NELL1: variants seen among roughly 807,000 people sequenced by gnomAD.
The protein encoded by NELL1 is neural EGFL like 1.
In NELL1, 76 loss-of-function variants were observed where a neutral mutation model predicts 107.4. The observed-to-expected ratio is 0.71, with a 90% CI of 0.59 to 0.86. NELL1 has a LOEUF of 0.86. Ranked by LOEUF, NELL1 falls within the 40% of genes least tolerant of loss-of-function variation. The pLI is 0.00. For missense variants in NELL1, 1,024 were observed against 1,005.5 expected, an observed-to-expected ratio of 1.02 and a Z score of -0.25; for synonymous variants, 353 against 341.2, an observed-to-expected ratio of 1.03 and a Z score of -0.38.
chr11:21,235,085 T>C (rs971764180), intron 14 of NELL1, among the ~76,000 whole-genome samples: 1 of 152,148 alleles, frequency 6.6e-6, no homozygotes, highest in African/African-American at 2.4e-5. Context: ...ACTCTAGACA[T>C]AGTTTTGAAA....
At chr11:21,147,510 T>C (rs1856007694) in intron 13 of NELL1, among the ~76,000 whole-genome samples, 1 of 152,096 alleles carries the variant, frequency 6.6e-6, no homozygotes, top group African/African-American at 2.4e-5. Context: ...CTGTCATAAG[T>C]GGCTCTGCAT....
intron 14 of NELL1, among the ~76,000 whole-genome samples, chr11:21,298,239 A>G (rs543835253): frequency 2.0e-5 from 3 of 151,998 alleles, no homozygotes; most frequent in African/African-American, 7.2e-5. Flanking sequence ...AGGATTTATT[A>G]TTTTCCTTAA....
At chr11:20,737,711 A>G (rs533817713) in intron 2 of NELL1, among the ~76,000 whole-genome samples, 18 of 152,182 alleles carry the variant, frequency 1.2e-4, no homozygotes, top group African/African-American at 4.3e-4. Flanking sequence ...TATTAGTTGT[A>G]TTATTCCATA....
At chr11:21,534,553 C>T (rs1014831232) in intron 16 of NELL1, 39 bp downstream of exon 16, 2 of 1,609,214 alleles carry the variant, frequency 1.2e-6, no homozygotes, top group Non-Finnish European at 8.5e-7. Flanking sequence ...CTGCTTGGAC[C>T]TTTGCAGGAG....
chr11:21,529,363 G>A (rs1216071005), intron 15 of NELL1, among the ~76,000 whole-genome samples: 3 of 152,092 alleles, frequency 2.0e-5, no homozygotes, highest in Non-Finnish European at 4.4e-5. Flanking sequence ...CATGCTCCAG[G>A]CACATCCCTA....
chr11:21,439,635 A>C (rs141472875), intron 15 of NELL1, among the ~76,000 whole-genome samples: 2 of 152,268 alleles, frequency 1.3e-5, no homozygotes, highest in African/African-American at 4.8e-5. Context: ...ATCATTTCTT[A>C]CTAATACAGT....
At chr11:21,367,903 A>C (rs1309974441) in intron 14 of NELL1, among the ~76,000 whole-genome samples, 1 of 152,088 alleles carries the variant, frequency 6.6e-6, no homozygotes, top group Non-Finnish European at 1.5e-5. Context: ...TCTGCCATCA[A>C]CTAAATAATG....
chr11:21,561,031 G>A (rs1394897720), intron 17 of NELL1, among the ~76,000 whole-genome samples: 2 of 152,012 alleles, frequency 1.3e-5, no homozygotes, highest in Non-Finnish European at 2.9e-5. Flanking sequence ...CTATTAAACT[G>A]TTTGATCTCT....
At chr11:21,498,747 G>T (rs1855055091) in intron 15 of NELL1, among the ~76,000 whole-genome samples, 1 of 151,958 alleles carries the variant, frequency 6.6e-6, no homozygotes, top group African/African-American at 2.4e-5. Flanking sequence ...TCTGTGAAGA[G>T]ATTTACCCAT....
chr11:21,130,739 A>C (rs1035170759), intron 13 of NELL1, among the ~76,000 whole-genome samples: 5 of 152,210 alleles, frequency 3.3e-5, no homozygotes, highest in Non-Finnish European at 7.3e-5. Context: ...CCAAACACCC[A>C]CAGGCTCTTG....
At chr11:21,367,097 C>G (rs964319379) in intron 14 of NELL1, among the ~76,000 whole-genome samples, 1 of 151,862 alleles carries the variant, frequency 6.6e-6, no homozygotes, top group Non-Finnish European at 1.5e-5. Context: ...TGGATTGAAC[C>G]TCTCTCAAAT....
intron 14 of NELL1, among the ~76,000 whole-genome samples, chr11:21,266,021 T>G (rs1848626465): frequency 6.6e-6 from 1 of 151,966 alleles, no homozygotes; most frequent in African/African-American, 2.4e-5. Flanking sequence ...GTGTCAAAAA[T>G]CCTCTCCCTT....
At chr11:20,869,456 T>C (rs1458954822) in intron 4 of NELL1, among the ~76,000 whole-genome samples, 4 of 152,196 alleles carry the variant, frequency 2.6e-5, no homozygotes, top group Non-Finnish European at 1.5e-5. Context: ...ACAATTAATC[T>C]ATGTAAGAGG....
At chr11:20,825,130 T>A (rs1857851097) in intron 3 of NELL1, among the ~76,000 whole-genome samples, 1 of 151,350 alleles carries the variant, frequency 6.6e-6, no homozygotes, top group South Asian at 2.1e-4. Context: ...AATTGATGTT[T>A]GGGAACCTCT....
At chr11:21,464,396 C>A in intron 15 of NELL1, among the ~76,000 whole-genome samples, 1 of 88,214 alleles carries the variant, frequency 1.1e-5, no homozygotes. Context: ...ATGAATATGT[C>A]CGTGGCAAAA....
At chr11:20,970,114 A>G (rs1851469378) in intron 12 of NELL1, among the ~76,000 whole-genome samples, 1 of 119,250 alleles carries the variant, frequency 8.4e-6, no homozygotes, top group African/African-American at 3.4e-5. Flanking sequence ...GAACATAGAG[A>G]TATATCTACC....
chr11:21,279,338 G>C (rs1355384584), intron 14 of NELL1, among the ~76,000 whole-genome samples: 1 of 152,180 alleles, frequency 6.6e-6, no homozygotes, highest in Non-Finnish European at 1.5e-5. Context: ...GCAAGTCATT[G>C]AGTGGGAGAA....
intron 15 of NELL1, among the ~76,000 whole-genome samples, chr11:21,384,646 T>A (rs2133773573): frequency 6.6e-6 from 1 of 152,004 alleles, no homozygotes; most frequent in Middle Eastern, 3.4e-3. Context: ...CCTTCCTGTG[T>A]CCTTGTGTTT....
rs148466900 is a variant in NELL1 at position 21,472,907 on chromosome 11, G to A, written c.1646-61467G>A. Reference sequence around the variant, plus strand: ...CCATCTATGTGATTATCAGTTATTGGATGCCTACCATAGGTAAAACATTAT... The same window carrying A: ...CCATCTATGTGATTATCAGTTATTGAATGCCTACCATAGGTAAAACATTAT... On this transcript the variant is annotated intron_variant, in intron 15 of 19. Coordinates refer to ENST00000357134, the MANE Select transcript of NELL1 (RefSeq NM_006157.5). 3.2e-3 allele frequency among the ~76,000 whole-genome samples: 490 copies of A among 151,232 alleles called. 3 individuals are homozygous for A. Among genetic ancestry groups the A allele is most frequent in the African/African-American group, 0.011 (465 of 41,178 alleles).
Sources: allele counts gnomAD v4.1 joint callset (sites outside exome capture counted in the v4.1 genomes callset), GRCh38; gene constraint gnomAD v4.1.1; transcripts MANE v1.5; gene names NCBI Gene and HGNC (gene_info 2026-07-23, HGNC 2026-07-21).